The following SAMMSON variants were observed in gnomAD, a reference collection of about 807,000 sequenced individuals.
SAMMSON encodes the protein long intergenic non-protein coding RNA 1212.
At chr3:70,250,798 A>G (rs1389906373) in intron 6 of SAMMSON, among the ~76,000 whole-genome samples, 2 of 152,216 alleles carry the variant, frequency 1.3e-5, no homozygotes, top group African/African-American at 4.8e-5. Context: ...AGACATAAAC[A>G]TATGCATTTC....
At chr3:70,273,965 A>G (rs1701997853) in intron 6 of SAMMSON, among the ~76,000 whole-genome samples, 1 of 151,884 alleles carries the variant, frequency 6.6e-6, no homozygotes, top group African/African-American at 2.4e-5. Flanking sequence ...CCCGGCCCAG[A>G]ATTTTCTTTT....
At chr3:70,045,329 A>G (rs2067122598) in intron 3 of SAMMSON, among the ~76,000 whole-genome samples, 1 of 150,420 alleles carries the variant, frequency 6.6e-6, no homozygotes, top group East Asian at 1.9e-4. Flanking sequence ...TCACCCATCG[A>G]AACAATTTAG....
intron 2 of SAMMSON, among the ~76,000 whole-genome samples, chr3:70,433,326 G>A (rs1204542170): frequency 2.0e-5 from 3 of 152,128 alleles, no homozygotes; most frequent in Non-Finnish European, 4.4e-5. Context: ...AGCATTTGAT[G>A]TTAACAGTGT....
chr3:70,129,777 A>C (rs2067474582), intron 4 of SAMMSON, among the ~76,000 whole-genome samples: 1 of 152,200 alleles, frequency 6.6e-6, no homozygotes, highest in Admixed American at 6.5e-5. Context: ...CTCTTTTTAA[A>C]ATATGATATG....
chr3:70,324,199 CATCT>C (rs56024776), intron 7 of SAMMSON, among the ~76,000 whole-genome samples: 1 of 90,228 alleles, frequency 1.1e-5, no homozygotes, highest in African/African-American at 4.4e-5. Context: ...ATCTATCTAT[CATCT>C]ATCTATCTAT....
intron 7 of SAMMSON, among the ~76,000 whole-genome samples, chr3:70,338,900 A>G (rs1301262572): frequency 1.3e-5 from 2 of 152,190 alleles, no homozygotes; most frequent in Non-Finnish European, 2.9e-5. Context: ...GGAAAAAACT[A>G]CTTTAAAGTT....
At chr3:70,298,657 G>A (rs898145133) in intron 7 of SAMMSON, among the ~76,000 whole-genome samples, 9 of 152,094 alleles carry the variant, frequency 5.9e-5, no homozygotes, top group African/African-American at 2.2e-4. Flanking sequence ...AACTGAATGA[G>A]TAATAGGTTT....
chr3:70,056,573 C>T (rs539307808), intron 3 of SAMMSON, among the ~76,000 whole-genome samples: 36 of 152,006 alleles, frequency 2.4e-4, no homozygotes, highest in African/African-American at 8.2e-4. Flanking sequence ...CTCTCTCCCC[C>T]TCTCTTCACT....
chr3:70,400,684 C>T (rs1701132920), intron 2 of SAMMSON, among the ~76,000 whole-genome samples: 1 of 152,110 alleles, frequency 6.6e-6, no homozygotes, highest in African/African-American at 2.4e-5. Flanking sequence ...GTAATCCCAG[C>T]ACTTTGGAGC....
intron 4 of SAMMSON, among the ~76,000 whole-genome samples, chr3:70,169,912 T>A (rs949839223): frequency 6.6e-6 from 1 of 151,860 alleles, no homozygotes; most frequent in Admixed American, 6.6e-5. Flanking sequence ...ATCAAACTCA[T>A]GCTGAATAAA....
chr3:70,392,729 A>G (rs1701060532), downstream of SAMMSON, among the ~76,000 whole-genome samples: 2 of 152,162 alleles, frequency 1.3e-5, no homozygotes, highest in African/African-American at 4.8e-5. Flanking sequence ...TAAAGTAGAA[A>G]TAATGACAAT....
At chr3:70,313,848 G>T (rs1176116690) in intron 7 of SAMMSON, among the ~76,000 whole-genome samples, 1 of 152,066 alleles carries the variant, frequency 6.6e-6, no homozygotes, top group Non-Finnish European at 1.5e-5. Flanking sequence ...AGATTCCTTA[G>T]ATGGGTAAGG....
At chr3:70,006,949 C>T (rs1387727641) in intron 1 of SAMMSON, among the ~76,000 whole-genome samples, 1 of 151,990 alleles carries the variant, frequency 6.6e-6, no homozygotes, top group Non-Finnish European at 1.5e-5. Context: ...TTTCCAGCTT[C>T]ATCCATGTCC....
chr3:70,160,165 A>AT (rs1243764953), intron 4 of SAMMSON, among the ~76,000 whole-genome samples: 7 of 151,092 alleles, frequency 4.6e-5, no homozygotes, highest in Admixed American at 6.6e-5. Flanking sequence ...CAATTTATTA[A>AT]TTTTTTTTGT....
At chr3:70,029,026 G>T (rs2067053919) in intron 3 of SAMMSON, among the ~76,000 whole-genome samples, 1 of 152,148 alleles carries the variant, frequency 6.6e-6, no homozygotes, top group Admixed American at 6.5e-5. Context: ...TGGACGATAT[G>T]ACTCCTGTGT....
chr3:70,309,795 C>T (rs57078170), intron 7 of SAMMSON, among the ~76,000 whole-genome samples: 61,495 of 151,986 alleles, frequency 0.4, 12,958 homozygotes, highest in East Asian at 0.64. Flanking sequence ...AAACATAATT[C>T]GAGTGTAGCT....
At chr3:70,225,139 A>G (rs1701491594) in intron 4 of SAMMSON, among the ~76,000 whole-genome samples, 1 of 152,226 alleles carries the variant, frequency 6.6e-6, no homozygotes, top group South Asian at 2.1e-4. Flanking sequence ...CAAAGCAAGT[A>G]CATCCTTTCA....
At chr3:70,344,968 A>G (rs938509382) in intron 7 of SAMMSON, among the ~76,000 whole-genome samples, 4 of 152,190 alleles carry the variant, frequency 2.6e-5, no homozygotes, top group African/African-American at 9.6e-5. Flanking sequence ...ATTAATTATT[A>G]CTTGGATGTC....
At chr3:70,346,572 T>A (rs937507356) in intron 7 of SAMMSON, among the ~76,000 whole-genome samples, 7 of 152,136 alleles carry the variant, frequency 4.6e-5, no homozygotes, top group African/African-American at 1.7e-4. Flanking sequence ...GAAAGAGTTA[T>A]CCTAAATGTT....
Sources: gnomAD v4.1 joint callset for allele counts (sites outside exome capture counted in the v4.1 genomes callset) on GRCh38, gnomAD v4.1.1 for gene constraint, MANE v1.5 for transcripts, NCBI Gene and HGNC (gene_info 2026-07-23, HGNC 2026-07-21) for gene names.